PDE4B: variants seen among roughly 807,000 people sequenced by gnomAD.
PDE4B encodes the protein 3',5'-cyclic-AMP phosphodiesterase 4B.
Under a neutral mutation model 82.2 loss-of-function variants are expected in PDE4B, and 20 were observed. The observed-to-expected ratio is 0.24, with a 90% CI of 0.17 to 0.35. The LOEUF (loss-of-function observed/expected upper bound fraction) is 0.35. PDE4B is among the 10% of genes least tolerant of loss of function. PDE4B has a pLI of 1.00. For missense variants in PDE4B, 655 were observed against 907.2 expected, an observed-to-expected ratio of 0.72 and a Z score of 3.57; for synonymous variants, 320 against 318.9, an observed-to-expected ratio of 1.00 and a Z score of -0.04.
At chr1:66,203,982 C>G (rs560717364) in intron 3 of PDE4B, among the ~76,000 whole-genome samples, 84 of 152,216 alleles carry the variant, frequency 5.5e-4, no homozygotes, top group African/African-American at 1.8e-3. Flanking sequence ...GTGGTTTTAT[C>G]TACTTTTGGT....
rs377389588 is a variant in PDE4B, at chr1:66,337,890, A to G, written c.747+5270A>G. Among the ~76,000 whole-genome samples the G allele has an allele frequency of 1.2e-4, 18 of 152,346 alleles. 1 individual carries two copies. The South Asian group carries it at 3.7e-3, about 32-fold the overall frequency. ...GGAGGGAGCAAAATAAAGTGAAAAG[A>G]GCCTAGGAATAAGCCATGAGTTTGA... On this transcript the variant is annotated intron_variant, in intron 8 of 16. Coordinates refer to ENST00000341517, the MANE Select transcript of PDE4B (RefSeq NM_002600.4).
At chr1:66,131,311 A>G (rs890651630) in intron 3 of PDE4B, among the ~76,000 whole-genome samples, 3 of 152,174 alleles carry the variant, frequency 2.0e-5, no homozygotes, top group South Asian at 2.1e-4. Context: ...TAATAAGTCA[A>G]TTCCACTAAG....
In PDE4B at chr1:66,105,226, G is replaced by T. The variant is rs547357313; in HGVS notation, c.282-142234G>T. 9.2e-4 allele frequency among the ~76,000 whole-genome samples: 133 copies of T among 144,958 alleles called. 1 individual carries two copies. The highest frequency in any genetic ancestry group is 3.1e-3 in the African/African-American group (123 of 39,820). On this transcript the variant is annotated intron_variant, in intron 3 of 16. Transcript: ENST00000341517. Reference sequence around the variant, plus strand: ...TTTCCCCATTTCTTGTTTTTGTCATGTTTGTCAAAGATCAGATAGTTGTAG... The same window carrying T: ...TTTCCCCATTTCTTGTTTTTGTCATTTTTGTCAAAGATCAGATAGTTGTAG...
intron 7 of PDE4B, among the ~76,000 whole-genome samples, chr1:66,306,421 T>C (rs1218047450): frequency 6.6e-6 from 1 of 152,096 alleles, no homozygotes; most frequent in African/African-American, 2.4e-5. Flanking sequence ...CTCTAATTTA[T>C]AATAAGACAA....
At chr1:66,032,403 T>C (rs1233491310) in intron 3 of PDE4B, among the ~76,000 whole-genome samples, 1 of 152,178 alleles carries the variant, frequency 6.6e-6, no homozygotes, top group Non-Finnish European at 1.5e-5. Context: ...CTCTAAGATT[T>C]GTATAAAGAC....
chr1:66,360,237 G>C (rs1662645686), intron 9 of PDE4B, among the ~76,000 whole-genome samples: 1 of 152,142 alleles, frequency 6.6e-6, no homozygotes, highest in African/African-American at 2.4e-5. Context: ...GAGTGTAGGA[G>C]CTTGTGGACA....
At chr1:65,871,829 A>T (rs1042610419) in intron 1 of PDE4B, among the ~76,000 whole-genome samples, 5 of 152,204 alleles carry the variant, frequency 3.3e-5, no homozygotes, top group African/African-American at 1.2e-4. Flanking sequence ...ATAATACATG[A>T]AATTCTATCT....
intron 8 of PDE4B, among the ~76,000 whole-genome samples, chr1:66,337,174 G>A (rs1035374788): frequency 4.6e-5 from 7 of 152,214 alleles, no homozygotes; most frequent in African/African-American, 1.7e-4. Context: ...AAAATGTAAT[G>A]ATATGATTAC....
chr1:66,337,787 T>C (rs953611288), intron 8 of PDE4B, among the ~76,000 whole-genome samples: 1 of 152,212 alleles, frequency 6.6e-6, no homozygotes, highest in African/African-American at 2.4e-5. Flanking sequence ...TCAGTTCTGG[T>C]AGCCAGGTGG....
intron 1 of PDE4B, among the ~76,000 whole-genome samples, chr1:65,861,424 A>G (rs1419619163): frequency 6.6e-6 from 1 of 152,172 alleles, no homozygotes; most frequent in Non-Finnish European, 1.5e-5. Context: ...TTTTGGTACC[A>G]GTACCATGCT....
At chr1:65,896,093 T>C (rs1232195848) in intron 1 of PDE4B, among the ~76,000 whole-genome samples, 3 of 152,130 alleles carry the variant, frequency 2.0e-5, no homozygotes, top group African/African-American at 7.2e-5. Context: ...ATTTTTTATA[T>C]ATGCATGTGT....
intron 1 of PDE4B, among the ~76,000 whole-genome samples, chr1:65,863,915 T>C (rs1646481853): frequency 1.3e-5 from 2 of 152,188 alleles, no homozygotes; most frequent in Admixed American, 6.5e-5. Context: ...GAAATGGGTC[T>C]CCTGAATGCA....
rs550456189 is a variant in PDE4B at position 66,151,650 on chromosome 1, C to G, written c.282-95810C>G. 9.9e-4 allele frequency among the ~76,000 whole-genome samples: 150 copies of G among 152,280 alleles called. 1 individual carries two copies. Among genetic ancestry groups the G allele is most frequent in the Non-Finnish European group, 1.3e-3 (86 of 68,004 alleles). ...TTCCTATCTGTGGTTTAAAACTCAC[C>G]TTGAGTGTCACCTAAATAAAACACC... On this transcript the variant is annotated intron_variant, in intron 3 of 16. Transcript: ENST00000341517.
chr1:65,916,690 T>A (rs1381471486), intron 2 of PDE4B, among the ~76,000 whole-genome samples: 1 of 152,124 alleles, frequency 6.6e-6, no homozygotes, highest in Non-Finnish European at 1.5e-5. Flanking sequence ...GTAAGTCTTT[T>A]AAAAAATAAA....
chr1:66,135,469 G>A (rs974170817), intron 3 of PDE4B, among the ~76,000 whole-genome samples: 1 of 152,292 alleles, frequency 6.6e-6, no homozygotes, highest in East Asian at 1.9e-4. Context: ...TAAGAATAGA[G>A]TGTGAAGAAT....
At chr1:66,142,099 ATATACT>A (rs1488108180) in intron 3 of PDE4B, among the ~76,000 whole-genome samples, 1 of 152,182 alleles carries the variant, frequency 6.6e-6, no homozygotes, top group African/African-American at 2.4e-5. Flanking sequence ...GGAAGAAAAA[ATATACT>A]TATTATTTAT....
At chr1:65,931,342 A>G (rs1413372231) in intron 3 of PDE4B, among the ~76,000 whole-genome samples, 1 of 152,188 alleles carries the variant, frequency 6.6e-6, no homozygotes, top group Admixed American at 6.5e-5. Flanking sequence ...ATGGCCTAAT[A>G]CAAAAAGGTA....
intron 8 of PDE4B, among the ~76,000 whole-genome samples, chr1:66,338,378 A>T (rs773405680): frequency 2.4e-4 from 4 of 16,700 alleles, no homozygotes; most frequent in Non-Finnish European, 3.9e-4. Context: ...TGTGGCAAGC[A>T]TTATTAGTGA....
chr1:65,855,994 A>G (rs1180281869), intron 1 of PDE4B, among the ~76,000 whole-genome samples: 2 of 152,104 alleles, frequency 1.3e-5, no homozygotes, highest in Non-Finnish European at 2.9e-5. Flanking sequence ...GTGGGAGACT[A>G]CATGTGGGCT....
Sources: gnomAD v4.1 joint callset for allele counts (sites outside exome capture counted in the v4.1 genomes callset) on GRCh38, gnomAD v4.1.1 for gene constraint, MANE v1.5 for transcripts, NCBI Gene and HGNC (gene_info 2026-07-23, HGNC 2026-07-21) for gene names.